Variants in HAT1 observed in about 807,000 individuals in gnomAD.
HAT1 encodes the protein histone acetyltransferase type B catalytic subunit.
A neutral mutation model predicts 56.6 loss-of-function variants in HAT1; 20 were observed. The observed-to-expected ratio is 0.35, with a 90% CI of 0.25 to 0.51. The LOEUF (loss-of-function observed/expected upper bound fraction) is 0.51, where lower values mean the gene tolerates loss of function less well. HAT1 is among the 20% of genes least tolerant of loss of function. The pLI, the probability that HAT1 is intolerant of heterozygous loss-of-function variation, is 0.95. For synonymous variants in HAT1, 146 were observed against 165.5 expected (o/e 0.88, Z 0.91); for missense variants, 408 against 504.3 (o/e 0.81, Z 1.83).
chr2:171,927,342 T>C (rs538508659), intron 2 of HAT1, among the ~76,000 whole-genome samples: 1 of 152,364 alleles, frequency 6.6e-6, no homozygotes, highest in East Asian at 1.9e-4. Flanking sequence ...AGATTAAATA[T>C]GGAGTTAAAT....
chr2:171,929,354 T>C (rs1283332146), intron 2 of HAT1, among the ~76,000 whole-genome samples: 2 of 152,234 alleles, frequency 1.3e-5, no homozygotes, highest in Admixed American at 6.5e-5. Context: ...TTTACCTACA[T>C]ATTCTGGATG....
intron 8 of HAT1, among the ~76,000 whole-genome samples, chr2:171,972,054 C>T (rs890866805): frequency 2.0e-5 from 3 of 152,288 alleles, no homozygotes; most frequent in East Asian, 1.9e-4. Flanking sequence ...CCTGGCACAA[C>T]CACCCCCTAC....
At chr2:171,953,824 G>A (rs977706017) in intron 4 of HAT1, among the ~76,000 whole-genome samples, 20 of 151,436 alleles carry the variant, frequency 1.3e-4, no homozygotes, top group African/African-American at 3.4e-4. Flanking sequence ...GTGAAACCCC[G>A]TCTCTACTAA....
At chr2:171,959,772 A>G (rs976190226) in intron 4 of HAT1, among the ~76,000 whole-genome samples, 4 of 152,212 alleles carry the variant, frequency 2.6e-5, no homozygotes, top group Admixed American at 2.6e-4. Flanking sequence ...ATTCTAGCCA[A>G]GAGGAACAGT....
At chr2:171,926,640 G>A (rs952324741) in intron 2 of HAT1, among the ~76,000 whole-genome samples, 2 of 152,142 alleles carry the variant, frequency 1.3e-5, no homozygotes, top group Non-Finnish European at 2.9e-5. Flanking sequence ...TATGTGTCCA[G>A]GCTCATCTTG....
rs139880402 is a variant in HAT1, at chr2:171,972,985, C to T, written c.824-3172C>T. 3.0e-4 allele frequency among the ~76,000 whole-genome samples: 45 copies of T among 152,264 alleles called. 2 individuals carry two copies. Among genetic ancestry groups the T allele is most frequent in the African/African-American group, 1.1e-3 (44 of 41,558 alleles). On this transcript the variant is annotated intron_variant, in intron 8 of 10. Coordinates refer to ENST00000264108, the MANE Select transcript of HAT1 (RefSeq NM_003642.4). ...GACCTTTCTGGTTATCTATGGCATC[C>T]AATTGGGGTTCTTCATGTCAATGAG...
chr2:171,933,111 G>A (rs1686785339), intron 2 of HAT1, among the ~76,000 whole-genome samples: 1 of 152,110 alleles, frequency 6.6e-6, no homozygotes, highest in African/African-American at 2.4e-5. Flanking sequence ...AGGCTGGAGT[G>A]CAGTGGTGTG....
intron 9 of HAT1, among the ~76,000 whole-genome samples, chr2:171,977,710 C>G (rs143454436): frequency 0.019 from 2,820 of 151,284 alleles, 59 homozygotes; most frequent in Admixed American, 0.068. Flanking sequence ...GCTACTTTGC[C>G]ACATGCTCTG....
At position 171,983,294 on chromosome 2, in the gene HAT1, G is replaced by C. The variant is rs1425955687; in HGVS notation, c.1202G>C (p.Ser401Thr). The C allele has an allele frequency of 3.1e-6, 5 of 1,608,556 alleles. No individual in the cohort carries two copies. Among genetic ancestry groups the C allele is most frequent in the Non-Finnish European group, 4.3e-6 (5 of 1,176,240 alleles). The change falls in exon 11 of 11, where the codon AGT (serine) becomes ACT (threonine). Residue 401 changes from serine (S) to threonine (T), a missense_variant. By Grantham distance (58) the Ser-to-Thr change is moderately conservative (BLOSUM62 1). Coordinates refer to ENST00000264108, the MANE Select transcript of HAT1 (RefSeq NM_003642.4). ...ATGCAACATGAACAGCTGGAAGAGA[G>C]TTTTCAGGAACTAGTGGAAGATTAC... ...ISMQHEQLEE[S>T]FQELVEDYRR...
In HAT1 at chr2:171,975,415, A is replaced by G. The variant is rs1045956426; in HGVS notation, c.824-742A>G. On this transcript the variant is annotated intron_variant, in intron 8 of 10. Transcript: ENST00000264108. ...CCACTGTGCCTGGCCTGTTTCCTCT[A>G]TTTTCTAGAATAGTTTGTGAAGGAT... 4.6e-5 allele frequency among the ~76,000 whole-genome samples: 7 copies of G among 151,522 alleles called. No individual in the cohort carries two copies. In the East Asian group the frequency reaches 9.7e-4, roughly 21 times the overall value.
intron 3 of HAT1, among the ~76,000 whole-genome samples, chr2:171,949,877 G>C (rs1687261169): frequency 6.6e-6 from 1 of 152,058 alleles, no homozygotes; most frequent in Admixed American, 6.5e-5. Flanking sequence ...AATTATCCCA[G>C]ATTTGGCAAG....
intron 4 of HAT1, among the ~76,000 whole-genome samples, chr2:171,963,724 A>G (rs1478303175): frequency 1.3e-5 from 2 of 152,190 alleles, no homozygotes; most frequent in African/African-American, 2.4e-5. Flanking sequence ...ATCCCTCATT[A>G]TGACAGTTTC....
intron 8 of HAT1, among the ~76,000 whole-genome samples, chr2:171,972,877 T>G (rs1001463809): frequency 6.6e-6 from 1 of 152,248 alleles, no homozygotes; most frequent in Admixed American, 6.5e-5. Context: ...CTAAATGCAA[T>G]TTCATGTAAT....
intron 8 of HAT1, among the ~76,000 whole-genome samples, chr2:171,974,873 A>AT (rs541424252): frequency 9.9e-5 from 15 of 151,820 alleles, no homozygotes; most frequent in Non-Finnish European, 1.9e-4. Flanking sequence ...ACATTAATTG[A>AT]TTTTTTTTGG....
chr2:171,951,952 G>A (rs368565216), intron 3 of HAT1, among the ~76,000 whole-genome samples: 7 of 152,192 alleles, frequency 4.6e-5, no homozygotes, highest in African/African-American at 1.4e-4. Context: ...AATGGACAGT[G>A]CTCCGTATTT....
chr2:171,934,163 T>C (rs576079115), intron 2 of HAT1, among the ~76,000 whole-genome samples: 18 of 152,240 alleles, frequency 1.2e-4, no homozygotes, highest in Non-Finnish European at 1.8e-4. Flanking sequence ...TTGCCTCATA[T>C]TTAAGTCTAC....
intron 3 of HAT1, 77 bp downstream of exon 3, chr2:171,946,860 A>G: frequency 1.5e-6 from 1 of 679,500 alleles, no homozygotes; most frequent in Non-Finnish European, 2.6e-6. Context: ...AGATTTAGAA[A>G]TCAAATTTTA....
At chr2:171,952,442 A>G (rs940722824) in intron 3 of HAT1, among the ~76,000 whole-genome samples, 2 of 152,148 alleles carry the variant, frequency 1.3e-5, no homozygotes, top group African/African-American at 4.8e-5. Context: ...GCAGCTCTGG[A>G]TTTTGGTGAT....
At chr2:171,965,290 A>AGAAATAAAC (rs751227811) in intron 4 of HAT1, 48 bp from the exon 5 acceptor site, 4 of 1,151,492 alleles carry the variant, frequency 3.5e-6, no homozygotes, top group Non-Finnish European at 5.0e-6. Context: ...ACCATATTCA[A>AGAAATAAAC]CTTAAAGTCG....
Sources: gnomAD v4.1 joint callset for allele counts (sites outside exome capture counted in the v4.1 genomes callset) on GRCh38, gnomAD v4.1.1 for gene constraint, MANE v1.5 for transcripts, NCBI Gene and HGNC (gene_info 2026-07-23, HGNC 2026-07-21) for gene names.